Variants in NEO1 observed in about 807,000 individuals in gnomAD.
NEO1 encodes neogenin 1.
A neutral mutation model predicts 159.7 loss-of-function variants in NEO1; 63 were observed. The ratio of observed to expected loss-of-function variants is 0.39; its 90% CI spans 0.32 to 0.49. The LOEUF (loss-of-function observed/expected upper bound fraction) is 0.49. Among genes scored for constraint, NEO1 ranks in the 20% least tolerant of loss-of-function variants. The pLI is 0.85. For synonymous variants in NEO1, 633 were observed against 662.0 expected (o/e 0.96, Z 0.67); for missense variants, 1,615 against 1,831.0 (o/e 0.88, Z 2.15).
chr15:73,131,055 AC>A (rs1367718516), intron 4 of NEO1, among the ~76,000 whole-genome samples: 1 of 151,758 alleles, frequency 6.6e-6, no homozygotes, highest in Non-Finnish European at 1.5e-5. Context: ...ATGAGACAGC[AC>A]CCCCCCACAC....
At chr15:73,249,748 A>G (rs1240355898) in intron 11 of NEO1, 27 bp downstream of exon 11, 1 of 1,594,804 alleles carries the variant, frequency 6.3e-7, no homozygotes, top group Non-Finnish European at 8.5e-7. Context: ...CTGGAACGAT[A>G]TACCACACTT....
chr15:73,276,457 A>C (rs1425694814), intron 21 of NEO1, among the ~76,000 whole-genome samples: 2 of 152,238 alleles, frequency 1.3e-5, no homozygotes, highest in Non-Finnish European at 2.9e-5. Context: ...AGTGAAAAGC[A>C]TATGAGGAAC....
intron 7 of NEO1, among the ~76,000 whole-genome samples, chr15:73,205,435 T>A (rs886867666): frequency 6.6e-6 from 1 of 152,184 alleles, no homozygotes; most frequent in African/African-American, 2.4e-5. Flanking sequence ...TCTGGGCATG[T>A]TTCATGATGG....
At chr15:73,096,835 A>G (rs769988567) in intron 1 of NEO1, among the ~76,000 whole-genome samples, 2 of 152,102 alleles carry the variant, frequency 1.3e-5, no homozygotes, top group Non-Finnish European at 2.9e-5. Flanking sequence ...TCTTTACTTA[A>G]TAATGTAAGG....
At chr15:73,054,886 A>AT (rs1003715335) in intron 1 of NEO1, among the ~76,000 whole-genome samples, 35 of 152,086 alleles carry the variant, frequency 2.3e-4, no homozygotes, top group African/African-American at 7.5e-4. Flanking sequence ...CAGTAGTTTT[A>AT]TTTTTTTTAT....
chr15:73,091,777 G>T (rs1032851699), intron 1 of NEO1, among the ~76,000 whole-genome samples: 5 of 142,876 alleles, frequency 3.5e-5, no homozygotes, highest in Non-Finnish European at 6.0e-5. Flanking sequence ...AATGGATTCT[G>T]TAGGATATTG....
intron 5 of NEO1, among the ~76,000 whole-genome samples, chr15:73,147,704 C>G (rs1455769817): frequency 6.6e-6 from 1 of 152,092 alleles, no homozygotes; most frequent in Non-Finnish European, 1.5e-5. Flanking sequence ...CTCAGAATTT[C>G]AAGCATTCCT....
intron 1 of NEO1, among the ~76,000 whole-genome samples, chr15:73,088,180 A>G (rs1315915848): frequency 6.6e-6 from 1 of 151,758 alleles, no homozygotes; most frequent in Non-Finnish European, 1.5e-5. Flanking sequence ...ATTTTTTTTT[A>G]AAGGAAGGAG....
chr15:73,205,916 G>A (rs28709552), intron 7 of NEO1, among the ~76,000 whole-genome samples: 1 of 149,658 alleles, frequency 6.7e-6, no homozygotes, highest in Non-Finnish European at 1.5e-5. Flanking sequence ...TTTTTTTTTT[G>A]TTTTTTTTTG....
chr15:73,106,799 A>G (rs2151545578), intron 1 of NEO1, among the ~76,000 whole-genome samples: 1 of 152,316 alleles, frequency 6.6e-6, no homozygotes, highest in East Asian at 1.9e-4. Flanking sequence ...TAATTAATGT[A>G]GGAAAAGCAC....
intron 7 of NEO1, among the ~76,000 whole-genome samples, chr15:73,229,741 T>C (rs1271954793): frequency 6.6e-6 from 1 of 152,146 alleles, no homozygotes; most frequent in Non-Finnish European, 1.5e-5. Context: ...GTTGAGAGTT[T>C]TTATCATGAA....
chr15:73,143,955 C>G (rs1423404614), intron 5 of NEO1, among the ~76,000 whole-genome samples: 1 of 152,192 alleles, frequency 6.6e-6, no homozygotes. Context: ...TCAACAGGAA[C>G]TGGTCTTACT....
chr15:73,223,601 C>G (rs1444064172), intron 7 of NEO1, among the ~76,000 whole-genome samples: 1 of 152,130 alleles, frequency 6.6e-6, no homozygotes, highest in South Asian at 2.1e-4. Flanking sequence ...AGAATAGCTA[C>G]CCCTGCTCGC....
At chr15:73,151,370 T>C (rs2033356798) in intron 5 of NEO1, among the ~76,000 whole-genome samples, 1 of 152,118 alleles carries the variant, frequency 6.6e-6, no homozygotes, top group African/African-American at 2.4e-5. Context: ...TACCTGAAAA[T>C]AGTGGACAAT....
In NEO1 at chr15:73,266,430, C is replaced by A; in HGVS notation, c.2494+19C>A. Reference sequence around the variant, plus strand: ...CACACAGGTAAGGTATCCTATCTTTCCTAGTCTCCAGCACTTTTCCTAGCA... The same window carrying A: ...CACACAGGTAAGGTATCCTATCTTTACTAGTCTCCAGCACTTTTCCTAGCA... On this transcript the variant is annotated intron_variant, in intron 16 of 28. Coordinates refer to ENST00000261908, the MANE Select transcript of NEO1 (RefSeq NM_002499.4). 6.3e-7 allele frequency: 1 copy of A among 1,582,300 alleles called. No individual in the cohort carries two copies. Among genetic ancestry groups the A allele is most frequent in the Non-Finnish European group, 8.6e-7 (1 of 1,157,084 alleles).
intron 26 of NEO1, 89 bp downstream of exon 26, chr15:73,293,637 G>A: frequency 1.5e-6 from 2 of 1,356,172 alleles, no homozygotes; most frequent in Non-Finnish European, 2.0e-6. Flanking sequence ...CTTAGAAGAG[G>A]GATTTGGAAT....
intron 4 of NEO1, among the ~76,000 whole-genome samples, chr15:73,128,752 G>C (rs1383972368): frequency 2.6e-5 from 4 of 152,222 alleles, no homozygotes; most frequent in African/African-American, 9.6e-5. Context: ...TGTTCTTTTA[G>C]TAGAATGATT....
intron 1 of NEO1, among the ~76,000 whole-genome samples, chr15:73,082,501 C>A (rs1425345446): frequency 1.3e-5 from 2 of 151,154 alleles, no homozygotes; most frequent in East Asian, 3.9e-4. Context: ...TGTGGATAGT[C>A]ATTGATTCAC....
chr15:73,089,964 G>C (rs2069590347), intron 1 of NEO1, among the ~76,000 whole-genome samples: 1 of 152,104 alleles, frequency 6.6e-6, no homozygotes, highest in African/African-American at 2.4e-5. Flanking sequence ...GACGGACCCA[G>C]TTTACACCAG....
Sources: gnomAD v4.1 joint callset for allele counts (sites outside exome capture counted in the v4.1 genomes callset) on GRCh38, gnomAD v4.1.1 for gene constraint, MANE v1.5 for transcripts, NCBI Gene and HGNC (gene_info 2026-07-23, HGNC 2026-07-21) for gene names.